Variants in KCNT2 observed in about 807,000 individuals in gnomAD.
The protein encoded by KCNT2 is potassium channel subfamily T member 2.
Under a neutral mutation model 153.8 loss-of-function variants are expected in KCNT2, and 67 were observed. The ratio of observed to expected loss-of-function variants is 0.44; its 90% confidence interval spans 0.36 to 0.53. The LOEUF is 0.53. Ranked by LOEUF, KCNT2 falls within the 20% of genes least tolerant of loss-of-function variation. KCNT2 has a pLI of 0.00. For missense variants in KCNT2, 975 were observed against 1,354.8 expected, an observed-to-expected ratio of 0.72 and a Z score of 4.40; for synonymous variants, 500 against 458.8, an observed-to-expected ratio of 1.09 and a Z score of -1.15.
chr1:196,316,113 CT>C, intron 20 of KCNT2, 87 bp from the exon 21 acceptor site: 2 of 1,234,780 alleles, frequency 1.6e-6, no homozygotes, highest in South Asian at 1.6e-5. Context: ...ATCCCCTGTG[CT>C]TATATAAGTT....
intron 1 of KCNT2, among the ~76,000 whole-genome samples, chr1:196,532,308 A>G (rs1345294960): frequency 1.3e-5 from 2 of 152,006 alleles, no homozygotes; most frequent in East Asian, 1.9e-4. Context: ...AGTAGGTGAT[A>G]TTTACAATTT....
rs555324531 is a variant in KCNT2 at position 196,329,127 on chromosome 1, C to A, written c.2103+2029G>T. ...AGAATTTAGTGTTCATGAACACTGA[C>A]CAGGACACCAGCCCCACTGATACTG... On this transcript the variant is annotated intron_variant, in intron 18 of 27. Coordinates refer to ENST00000294725, the MANE Select transcript of KCNT2 (RefSeq NM_198503.5). Among the ~76,000 whole-genome samples, 7 of 152,122 alleles carry A rather than the reference C, an allele frequency of 4.6e-5. No individual in the cohort carries two copies. The South Asian group carries it at 6.2e-4, about 14-fold the overall frequency.
intron 14 of KCNT2, among the ~76,000 whole-genome samples, chr1:196,350,529 C>A (rs1666577944): frequency 6.6e-6 from 1 of 151,996 alleles, no homozygotes; most frequent in East Asian, 1.9e-4. Context: ...CTGTTCATAT[C>A]CTTTGCCCAC....
intron 21 of KCNT2, among the ~76,000 whole-genome samples, chr1:196,308,841 G>A (rs952232110): frequency 3.3e-5 from 5 of 151,718 alleles, no homozygotes; most frequent in African/African-American, 1.2e-4. Context: ...ATCTAGCAAT[G>A]GATTCATGTT....
intron 22 of KCNT2, among the ~76,000 whole-genome samples, chr1:196,290,177 T>G (rs1660056677): frequency 6.6e-6 from 1 of 152,096 alleles, no homozygotes; most frequent in Non-Finnish European, 1.5e-5. Context: ...ATTCCTTCAT[T>G]CTTTCCTCTG....
At chr1:196,509,481 A>G (rs1681432969) in intron 1 of KCNT2, among the ~76,000 whole-genome samples, 1 of 152,200 alleles carries the variant, frequency 6.6e-6, no homozygotes, top group Non-Finnish European at 1.5e-5. Context: ...GCCTAAGACT[A>G]TATGTCAGTG....
chr1:196,504,547 A>G (rs1053841626), intron 1 of KCNT2, among the ~76,000 whole-genome samples: 3 of 152,036 alleles, frequency 2.0e-5, no homozygotes, highest in African/African-American at 4.8e-5. Flanking sequence ...ATAAACATAC[A>G]TGTGCATGTC....
chr1:196,264,922 T>TGCCCA (rs1341777562), intron 25 of KCNT2, among the ~76,000 whole-genome samples: 1 of 152,116 alleles, frequency 6.6e-6, no homozygotes, highest in Non-Finnish European at 1.5e-5. Context: ...TGAGCCACCA[T>TGCCCA]GCCCAGCCCA....
intron 7 of KCNT2, among the ~76,000 whole-genome samples, chr1:196,467,258 CA>C (rs1318746661): frequency 2.0e-5 from 3 of 152,014 alleles, no homozygotes; most frequent in Non-Finnish European, 4.4e-5. Context: ...TTTTTAGTGA[CA>C]TTGAGAAATT....
chr1:196,402,824 TAACTC>T (rs1320129690), intron 12 of KCNT2, among the ~76,000 whole-genome samples: 2 of 151,626 alleles, frequency 1.3e-5, no homozygotes, highest in Non-Finnish European at 3.0e-5. Flanking sequence ...AAAAGATAGT[TAACTC>T]ATGTCATTAG....
chr1:196,430,534 A>T lies in KCNT2; in HGVS notation c.639-777T>A, dbSNP rs577245845. Among the ~76,000 whole-genome samples, 60 of 151,998 alleles carry T rather than the reference A, an allele frequency of 3.9e-4. 1 individual carries two copies. Among genetic ancestry groups the T allele is most frequent in the South Asian group, 1.7e-3 (8 of 4,822 alleles). On this transcript the variant is annotated intron_variant, in intron 8 of 27. Coordinates refer to ENST00000294725, the MANE Select transcript of KCNT2 (RefSeq NM_198503.5). ...CCAGTTGCCAGCACCTTGATCTTGG[A>T]TTCCCAGCCTCCAAACGCAATATAA...
At chr1:196,563,046 A>G (rs910244459) in intron 1 of KCNT2, among the ~76,000 whole-genome samples, 3 of 151,952 alleles carry the variant, frequency 2.0e-5, no homozygotes, top group Non-Finnish European at 4.4e-5. Context: ...TGAGCACTAC[A>G]TGTAAGAATA....
intron 1 of KCNT2, among the ~76,000 whole-genome samples, chr1:196,558,185 T>C (rs1658924622): frequency 6.6e-6 from 1 of 151,392 alleles, no homozygotes; most frequent in East Asian, 1.9e-4. Context: ...AAAAAAATCT[T>C]CAGTAGAGGC....
At chr1:196,488,300 T>C (rs1679593177) in intron 3 of KCNT2, among the ~76,000 whole-genome samples, 1 of 151,968 alleles carries the variant, frequency 6.6e-6, no homozygotes, top group African/African-American at 2.4e-5. Flanking sequence ...GCGACTTCTG[T>C]TTTTCATTAA....
chr1:196,409,051 A>G (rs1672071683), intron 12 of KCNT2, among the ~76,000 whole-genome samples: 2 of 150,658 alleles, frequency 1.3e-5, no homozygotes, highest in South Asian at 4.2e-4. Flanking sequence ...TTTTTATATG[A>G]AGCACACACA....
At chr1:196,579,336 C>T (rs191774632) in intron 1 of KCNT2, among the ~76,000 whole-genome samples, 199 of 151,804 alleles carry the variant, frequency 1.3e-3, no homozygotes, top group African/African-American at 4.4e-3. Context: ...GATGGAGGGT[C>T]GGGGGAGAGA....
intron 14 of KCNT2, among the ~76,000 whole-genome samples, chr1:196,369,483 A>T: frequency 1.6e-5 from 1 of 61,970 alleles, no homozygotes; most frequent in East Asian, 4.9e-4. Context: ...TCCTCCCCCC[A>T]CCCCACAACA....
At chr1:196,232,747 T>A (rs1654064624) in intron 27 of KCNT2, among the ~76,000 whole-genome samples, 1 of 151,514 alleles carries the variant, frequency 6.6e-6, no homozygotes, top group Non-Finnish European at 1.5e-5. Flanking sequence ...AGATTAAACA[T>A]CATTTGAAAT....
intron 1 of KCNT2, among the ~76,000 whole-genome samples, chr1:196,532,748 A>T (rs1168195136): frequency 6.6e-6 from 1 of 152,048 alleles, no homozygotes; most frequent in Non-Finnish European, 1.5e-5. Flanking sequence ...CACATGTGAA[A>T]GGATGCCTAA....
Sources: gnomAD v4.1 joint callset for allele counts (sites outside exome capture counted in the v4.1 genomes callset) on GRCh38, gnomAD v4.1.1 for gene constraint, MANE v1.5 for transcripts, NCBI Gene and HGNC (gene_info 2026-07-23, HGNC 2026-07-21) for gene names.